The following GALNT17 variants were observed in gnomAD, a reference collection of about 807,000 sequenced individuals.
The protein encoded by GALNT17 is UDP-GalNAc:polypeptide N-acetylgalactosaminyltransferase-like 3.
In GALNT17, 29 loss-of-function variants were observed where a neutral mutation model predicts 63.7. The observed-to-expected ratio is 0.46, with a 90% CI of 0.34 to 0.62. The LOEUF (loss-of-function observed/expected upper bound fraction) is 0.62, where lower values mean the gene tolerates loss of function less well. GALNT17 is among the 20% of genes least tolerant of loss of function. GALNT17 has a pLI of 0.01. For missense variants in GALNT17, 603 were observed against 799.6 expected (o/e 0.75, Z 2.97); for synonymous variants, 305 against 318.3 (o/e 0.96, Z 0.45).
chr7:71,481,519 C>T (rs73365702), intron 5 of GALNT17, among the ~76,000 whole-genome samples: 1 of 152,318 alleles, frequency 6.6e-6, no homozygotes, highest in African/African-American at 2.4e-5. Flanking sequence ...CTGAACTACA[C>T]TTCCCAGAAT....
intron 6 of GALNT17, among the ~76,000 whole-genome samples, chr7:71,642,648 C>T (rs143305003): frequency 1.6e-3 from 247 of 152,128 alleles, no homozygotes; most frequent in African/African-American, 5.7e-3. Context: ...CCAACCTGAC[C>T]AACATGGTGA....
At chr7:71,450,792 T>A (rs989714282) in intron 5 of GALNT17, among the ~76,000 whole-genome samples, 10 of 152,208 alleles carry the variant, frequency 6.6e-5, no homozygotes, top group African/African-American at 9.6e-5. Flanking sequence ...TCTGTTAGCA[T>A]CATGCTTTCA....
chr7:71,444,062 A>T (rs1266810582), intron 5 of GALNT17, among the ~76,000 whole-genome samples: 5 of 152,140 alleles, frequency 3.3e-5, no homozygotes, highest in Non-Finnish European at 7.3e-5. Context: ...AAATGGACTA[A>T]GACATCCTCT....
intron 5 of GALNT17, among the ~76,000 whole-genome samples, chr7:71,547,466 A>G (rs1276732780): frequency 2.6e-5 from 4 of 151,952 alleles, no homozygotes; most frequent in Admixed American, 6.6e-5. Context: ...GCTAATTTTT[A>G]GTAGAAATAG....
intron 1 of GALNT17, among the ~76,000 whole-genome samples, chr7:71,329,795 C>G (rs1271860062): frequency 6.6e-6 from 1 of 151,968 alleles, no homozygotes; most frequent in Admixed American, 6.6e-5. Flanking sequence ...TACCCCAACA[C>G]TGGGGATTAT....
intron 6 of GALNT17, among the ~76,000 whole-genome samples, chr7:71,600,494 C>A (rs907628205): frequency 2.6e-5 from 4 of 152,020 alleles, no homozygotes; most frequent in Non-Finnish European, 5.9e-5. Flanking sequence ...TGCCCGGTAC[C>A]GTGCCCAGTG....
At chr7:71,358,133 A>G (rs2527290) in intron 2 of GALNT17, among the ~76,000 whole-genome samples, 4,772 of 152,270 alleles carry the variant, frequency 0.031, 242 homozygotes, top group African/African-American at 0.11. Context: ...TTTAAGAGCT[A>G]TAACACTCAC....
intron 1 of GALNT17, among the ~76,000 whole-genome samples, chr7:71,153,032 C>G (rs986148779): frequency 6.6e-6 from 1 of 151,984 alleles, no homozygotes; most frequent in African/African-American, 2.4e-5. Context: ...GACTTCCAGA[C>G]GAGCCAGAGA....
At chr7:71,605,841 T>G (rs1277087827) in intron 6 of GALNT17, among the ~76,000 whole-genome samples, 1 of 152,130 alleles carries the variant, frequency 6.6e-6, no homozygotes, top group Non-Finnish European at 1.5e-5. Flanking sequence ...CGAATCTACA[T>G]CATAGCTAAT....
rs1415328276 is a variant in GALNT17, at chr7:71,364,487, A to AT, written c.423-23744dup. Among the ~76,000 whole-genome samples, 9 of 152,316 alleles carry AT rather than the reference A, an allele frequency of 5.9e-5. No homozygotes were observed. The East Asian group carries it at 1.7e-3, about 29-fold the overall frequency. On this transcript the variant is annotated intron_variant, in intron 2 of 10. Transcript: ENST00000333538. ...GGTGGGATTCCCAAGGCAACATACC[A>AT]TTTTGCCAGGTAAATGGCATTCCTG... is the stretch of plus-strand genomic sequence containing the variant.
In GALNT17 at chr7:71,670,046, G is replaced by C; in HGVS notation, c.1341G>C (p.Gln447His). The change falls in exon 8 of 11, where the codon CAG (glutamine) becomes CAC (histidine). Residue 447 changes from glutamine to histidine, a missense_variant. Transcript: ENST00000333538. ...LRKSLKCKNF[Q>H]WYLDHVYPEM... Reference sequence around the variant, plus strand: ...AAAGTTTAAAGTGTAAGAATTTCCAGTGGTACCTGGACCATGTTTACCCAG... The same window carrying C: ...AAAGTTTAAAGTGTAAGAATTTCCACTGGTACCTGGACCATGTTTACCCAG... 2.5e-6 allele frequency: 4 copies of C among 1,614,182 alleles called. No individual in the cohort carries two copies. The highest frequency in any genetic ancestry group is 3.4e-6 in the Non-Finnish European group (4 of 1,180,022).
At chr7:71,203,015 C>T (rs1383250136) in intron 1 of GALNT17, among the ~76,000 whole-genome samples, 2 of 152,046 alleles carry the variant, frequency 1.3e-5, no homozygotes, top group African/African-American at 4.8e-5. Flanking sequence ...CACATACATA[C>T]ACACACACAC....
At chr7:71,188,940 T>G (rs929881432) in intron 1 of GALNT17, among the ~76,000 whole-genome samples, 1 of 152,104 alleles carries the variant, frequency 6.6e-6, no homozygotes, top group Non-Finnish European at 1.5e-5. Context: ...AAATACACCT[T>G]GGTATATTGA....
In GALNT17 at chr7:71,484,886, C is replaced by T. The variant is rs1036693930; in HGVS notation, c.962+63781C>T. On this transcript the variant is annotated intron_variant, in intron 5 of 10. Transcript: ENST00000333538. ...CAATCTCGGCTCACTGCAACCTCCA[C>T]CTCCTGGGTTCAAGCAGTTCTCCTA... is the stretch of plus-strand genomic sequence containing the variant. Among the ~76,000 whole-genome samples, 4 of 148,568 alleles carry T rather than the reference C, an allele frequency of 2.7e-5. No individual in the cohort carries two copies. The South Asian group carries it at 6.5e-4, about 24-fold the overall frequency.
At chr7:71,380,038 G>C (rs112555307) in intron 2 of GALNT17, among the ~76,000 whole-genome samples, 39 of 152,248 alleles carry the variant, frequency 2.6e-4, no homozygotes, top group Admixed American at 6.5e-4. Flanking sequence ...TCCAGGATCC[G>C]AGAGGAAATA....
At chr7:71,337,609 C>T (rs1368897038) in intron 2 of GALNT17, among the ~76,000 whole-genome samples, 1 of 152,142 alleles carries the variant, frequency 6.6e-6, no homozygotes, top group Non-Finnish European at 1.5e-5. Context: ...GTGGCTCACG[C>T]CTGTAATCCC....
Position 71,494,482 on chromosome 7 carries a change from A to T in GALNT17, c.962+73377A>T, listed in dbSNP as rs145698813. 2.4e-3 allele frequency among the ~76,000 whole-genome samples: 370 copies of T among 152,154 alleles called. 3 individuals are homozygous for T. The highest frequency in any genetic ancestry group is 8.8e-3 in the African/African-American group (364 of 41,532). On this transcript the variant is annotated intron_variant, in intron 5 of 10. Transcript: ENST00000333538. ...TGCCTCAGCCTCCCAAGTAGCTGGG[A>T]CTACAGGTGTGCACTAGCACACCTG...
At chr7:71,249,966 T>C (rs952377200) in intron 1 of GALNT17, among the ~76,000 whole-genome samples, 3 of 152,240 alleles carry the variant, frequency 2.0e-5, no homozygotes, top group Non-Finnish European at 4.4e-5. Flanking sequence ...GCTGAAACTC[T>C]TCATATGGAA....
At chr7:71,314,078 G>A (rs997359413) in intron 1 of GALNT17, among the ~76,000 whole-genome samples, 22 of 152,152 alleles carry the variant, frequency 1.4e-4, no homozygotes, top group African/African-American at 5.1e-4. Context: ...GGATGGAGGC[G>A]AATGTTACCC....
Sources: allele counts gnomAD v4.1 joint callset (sites outside exome capture counted in the v4.1 genomes callset), GRCh38; gene constraint gnomAD v4.1.1; transcripts MANE v1.5; gene names NCBI Gene and HGNC (gene_info 2026-07-23, HGNC 2026-07-21).